GRM7: variants seen among roughly 807,000 people sequenced by gnomAD.
The protein encoded by GRM7 is metabotropic glutamate receptor 7.
Under a neutral mutation model 84.5 loss-of-function variants are expected in GRM7, and 35 were observed. That is an observed-to-expected ratio of 0.41 (90% CI 0.32 to 0.55). GRM7 has a LOEUF of 0.55. Among genes scored for constraint, GRM7 ranks in the 20% least tolerant of loss-of-function variants. GRM7 has a pLI of 0.19. For synonymous variants in GRM7, 487 were observed against 455.1 expected, an observed-to-expected ratio of 1.07 and a Z score of -0.89; for missense variants, 1,003 against 1,194.6, an observed-to-expected ratio of 0.84 and a Z score of 2.36.
chr3:7,666,336 G>A (rs1699700499), intron 8 of GRM7, among the ~76,000 whole-genome samples: 1 of 152,160 alleles, frequency 6.6e-6, no homozygotes, highest in Non-Finnish European at 1.5e-5. Context: ...AAGAATGCCA[G>A]GATAGATAAG....
chr3:7,297,761 C>T (rs1007069713), intron 2 of GRM7, among the ~76,000 whole-genome samples: 7 of 152,112 alleles, frequency 4.6e-5, no homozygotes, highest in Non-Finnish European at 7.4e-5. Flanking sequence ...CTGTCTCTGC[C>T]CCTGGGTCTT....
chr3:7,380,122 A>C (rs946531636), intron 4 of GRM7, among the ~76,000 whole-genome samples: 1 of 152,160 alleles, frequency 6.6e-6, no homozygotes, highest in Non-Finnish European at 1.5e-5. Context: ...TGGGAGGTCC[A>C]TATTTAGTTG....
chr3:7,582,643 G>A (rs1008549802), intron 8 of GRM7, among the ~76,000 whole-genome samples: 1 of 148,498 alleles, frequency 6.7e-6, no homozygotes, highest in Non-Finnish European at 1.5e-5. Flanking sequence ...ACTTTTCTGT[G>A]CATATTATAA....
At chr3:7,383,835 G>A (rs532727208) in intron 4 of GRM7, among the ~76,000 whole-genome samples, 80 of 152,184 alleles carry the variant, frequency 5.3e-4, no homozygotes, top group South Asian at 2.1e-3. Flanking sequence ...TTTAATTAAC[G>A]TTAATGTTTA....
intron 1 of GRM7, among the ~76,000 whole-genome samples, chr3:7,023,088 G>T (rs553256881): frequency 6.6e-6 from 1 of 151,966 alleles, no homozygotes; most frequent in Non-Finnish European, 1.5e-5. Context: ...TGGTGGAGTC[G>T]CACAGGAACA....
At chr3:7,650,787 G>A (rs375676501) in intron 8 of GRM7, among the ~76,000 whole-genome samples, 3 of 152,086 alleles carry the variant, frequency 2.0e-5, no homozygotes, top group Admixed American at 6.6e-5. Context: ...GCACAATCTC[G>A]GCTGACTGCA....
At chr3:7,468,581 C>G (rs142813086) in intron 7 of GRM7, among the ~76,000 whole-genome samples, 4 of 152,150 alleles carry the variant, frequency 2.6e-5, no homozygotes, top group African/African-American at 4.8e-5. Context: ...ATTTCACATC[C>G]TTAGTTTGTC....
chr3:7,606,691 A>G (rs1196141895), intron 8 of GRM7, among the ~76,000 whole-genome samples: 2 of 151,988 alleles, frequency 1.3e-5, no homozygotes, highest in East Asian at 3.9e-4. Flanking sequence ...GCACAACCAC[A>G]CCTAGCTAAT....
At chr3:6,869,713 G>A (rs456835) in intron 1 of GRM7, among the ~76,000 whole-genome samples, 55,244 of 151,696 alleles carry the variant, frequency 0.36, 10,605 homozygotes, top group South Asian at 0.53. Context: ...TTTTAGTGAC[G>A]TTACTCAGTG....
At chr3:7,086,658 C>T (rs556577230) in intron 1 of GRM7, among the ~76,000 whole-genome samples, 21 of 152,116 alleles carry the variant, frequency 1.4e-4, no homozygotes, top group African/African-American at 4.8e-4. Context: ...TCTTTTTTTC[C>T]CAAGAGGAGC....
chr3:7,421,343 G>C (rs1258836442), intron 5 of GRM7, among the ~76,000 whole-genome samples: 1 of 152,148 alleles, frequency 6.6e-6, no homozygotes, highest in Non-Finnish European at 1.5e-5. Flanking sequence ...ATAGCCTTCT[G>C]TATGGTTGTG....
chr3:7,689,773 AT>A (rs1700728565), intron 9 of GRM7, among the ~76,000 whole-genome samples: 1 of 152,064 alleles, frequency 6.6e-6, no homozygotes, highest in Non-Finnish European at 1.5e-5. Flanking sequence ...TCTGGTCAAG[AT>A]TTTTTACTGA....
chr3:7,356,022 A>G (rs114238819), intron 4 of GRM7, among the ~76,000 whole-genome samples: 2,602 of 152,172 alleles, frequency 0.017, 69 homozygotes, highest in African/African-American at 0.06. Flanking sequence ...TGGTGAAGGG[A>G]AGTCTTCCCC....
chr3:6,990,588 C>T lies in GRM7; in HGVS notation c.519+128681C>T, dbSNP rs572078384. 1.9e-4 allele frequency among the ~76,000 whole-genome samples: 29 copies of T among 152,252 alleles called. 1 individual carries two copies. The highest frequency in any genetic ancestry group is 6.7e-4 in the African/African-American group (28 of 41,544). ...TTGGCTTGGGGTGAGATGTCTCTGA[C>T]TGTGAATTTTTAACAAATGCTGGGT... is the stretch of plus-strand genomic sequence containing the variant. On this transcript the variant is annotated intron_variant, in intron 1 of 9. Transcript: ENST00000357716.
At chr3:6,966,831 G>C (rs566818701) in intron 1 of GRM7, among the ~76,000 whole-genome samples, 1 of 152,156 alleles carries the variant, frequency 6.6e-6, no homozygotes. Flanking sequence ...AGGAGTTTTG[G>C]AGCAGATATC....
At chr3:7,634,638 C>T (rs550328424) in intron 8 of GRM7, among the ~76,000 whole-genome samples, 24 of 151,772 alleles carry the variant, frequency 1.6e-4, no homozygotes, top group Admixed American at 3.9e-4. Flanking sequence ...ACTAAAAATA[C>T]ATAAAATTAG....
intron 1 of GRM7, among the ~76,000 whole-genome samples, chr3:7,005,906 T>C (rs1487538657): frequency 6.6e-6 from 1 of 152,166 alleles, no homozygotes; most frequent in Non-Finnish European, 1.5e-5. Context: ...TTGAGTCTCA[T>C]TGCCCTGTTT....
intron 2 of GRM7, among the ~76,000 whole-genome samples, chr3:7,208,997 A>C (rs1265430895): frequency 6.6e-6 from 1 of 152,218 alleles, no homozygotes; most frequent in Non-Finnish European, 1.5e-5. Flanking sequence ...TAAGTTGAAA[A>C]TATCATGAAT....
chr3:7,602,080 C>CAGAA (rs1696342272), intron 8 of GRM7, among the ~76,000 whole-genome samples: 1 of 93,798 alleles, frequency 1.1e-5, no homozygotes. Context: ...ATTACCAGGA[C>CAGAA]AAAAAAAAAA....
Sources: gnomAD v4.1 joint callset for allele counts (sites outside exome capture counted in the v4.1 genomes callset) on GRCh38, gnomAD v4.1.1 for gene constraint, MANE v1.5 for transcripts, NCBI Gene and HGNC (gene_info 2026-07-23, HGNC 2026-07-21) for gene names.